SSH1: variants seen among roughly 807,000 people sequenced by gnomAD.
SSH1 encodes protein phosphatase Slingshot homolog 1.
A neutral mutation model predicts 79.7 loss-of-function variants in SSH1; 43 were observed. That is an observed-to-expected ratio of 0.54 (90% CI 0.42 to 0.70). SSH1 has a LOEUF of 0.70. Among genes scored for constraint, SSH1 ranks in the 30% least tolerant of loss-of-function variants. The probability of loss-of-function intolerance (pLI) is 0.00; values close to 1 mark genes in which losing one functional copy is unlikely to be tolerated. For synonymous variants in SSH1, 599 were observed against 538.3 expected (o/e 1.11, Z -1.56); for missense variants, 1,206 against 1,358.8 (o/e 0.89, Z 1.77).
chr12:108,827,232 G>A (rs1219793706), intron 2 of SSH1: 3 of 1,525,110 alleles, frequency 2.0e-6, no homozygotes, highest in Non-Finnish European at 2.6e-6. Flanking sequence ...AGCCATGGCA[G>A]GAAACCAGTA....
intron 1 of SSH1, among the ~76,000 whole-genome samples, chr12:108,854,583 C>T (rs2039107041): frequency 6.6e-6 from 1 of 152,180 alleles, no homozygotes. Flanking sequence ...CTGGCTGTGT[C>T]AGGAAAGCAC....
At chr12:108,806,030 C>T (rs186545470) in intron 9 of SSH1, among the ~76,000 whole-genome samples, 2 of 152,142 alleles carry the variant, frequency 1.3e-5, no homozygotes, top group East Asian at 3.9e-4. Context: ...ATGGACTTCT[C>T]CCCAAAGGCC....
chr12:108,814,705 G>A (rs2037801889), intron 5 of SSH1, among the ~76,000 whole-genome samples: 1 of 152,210 alleles, frequency 6.6e-6, no homozygotes, highest in Non-Finnish European at 1.5e-5. Context: ...GCCCACAGGT[G>A]GGCCGTGGCT....
At chr12:108,823,565 A>G (rs2137191818) in intron 2 of SSH1, among the ~76,000 whole-genome samples, 1 of 152,342 alleles carries the variant, frequency 6.6e-6, no homozygotes, top group East Asian at 1.9e-4. Context: ...AATTTTCGTG[A>G]CAAAATAATG....
Position 108,809,748 on chromosome 12 carries a change from C to T in SSH1, c.481G>A (p.Val161Met), listed in dbSNP as rs764564671. 6 of 1,613,830 alleles carry T rather than the reference C, an allele frequency of 3.7e-6. No individual in the cohort carries two copies. In the Admixed American group the frequency reaches 5.0e-5, roughly 13 times the overall value. The change falls in exon 7 of 15, where the codon GTG (valine) becomes ATG (methionine). Residue 161 changes from valine to methionine, a missense_variant. Transcript: ENST00000326495. The part of the protein sequence containing the change: ...IHLDGDGGFS[V>M]STAGRMHIFK... ...ATGTGCATCCTTCCTGCTGTGCTCA[C>T]GCTGAACCCACTGAGAATAAAACAC...
intron 2 of SSH1, 113 bp downstream of exon 2, chr12:108,852,525 C>T: frequency 1.4e-6 from 2 of 1,379,822 alleles, no homozygotes; most frequent in South Asian, 1.2e-5. Context: ...CCACCGCACC[C>T]AGCCCAAAAT....
rs1028248918 is a variant in SSH1 at position 108,791,874 on chromosome 12, T to C, written c.1893+412A>G. 6.8e-6 allele frequency: 8 copies of C among 1,170,326 alleles called. No homozygotes were observed. The Admixed American group carries it at 2.4e-4, about 34-fold the overall frequency. 72.5% of individuals were successfully genotyped at this position (1,170,326 alleles called of 1,614,324 possible). A position where few individuals can be genotyped will look rare whatever the true frequency, so the allele number is the denominator to read the frequency against. On this transcript the variant is annotated intron_variant, in intron 14 of 14. Transcript: ENST00000326495. Reference sequence around the variant, plus strand: ...ATCATCAGGGGTGTGGGGAAGTGGGTGGTAGGGGTGAGATGAAAAAGAATA... The same window carrying C: ...ATCATCAGGGGTGTGGGGAAGTGGGCGGTAGGGGTGAGATGAAAAAGAATA...
chr12:108,834,004 T>C (rs1160996418), intron 2 of SSH1: 5 of 152,242 alleles, frequency 3.3e-5, no homozygotes, highest in Admixed American at 2.6e-4. Flanking sequence ...ACATCATCTA[T>C]TGATTAGAGT....
chr12:108,802,430 GGA>G (rs1045704643), intron 10 of SSH1, 62 bp from the exon 11 acceptor site: 2 of 1,525,888 alleles, frequency 1.3e-6, no homozygotes, highest in Admixed American at 3.4e-5. Flanking sequence ...GCTGCTCAGG[GGA>G]TGCATGGTTT....
intron 3 of SSH1, among the ~76,000 whole-genome samples, chr12:108,819,599 C>T (rs1487185351): frequency 3.3e-5 from 5 of 152,108 alleles, no homozygotes; most frequent in Non-Finnish European, 7.4e-5. Flanking sequence ...GAGGCCGAGG[C>T]AGGAGACTCA....
At chr12:108,801,159 A>T (rs76061884) in intron 11 of SSH1, among the ~76,000 whole-genome samples, 7,235 of 152,242 alleles carry the variant, frequency 0.048, 605 homozygotes, top group African/African-American at 0.16. Flanking sequence ...TATTGTAAAG[A>T]CCTTATAAAA....
chr12:108,822,160 G>T (rs1272626219), intron 3 of SSH1, among the ~76,000 whole-genome samples: 1 of 151,620 alleles, frequency 6.6e-6, no homozygotes, highest in East Asian at 1.9e-4. Context: ...AACATAGTGA[G>T]ACCTCATTTA....
chr12:108,822,473 G>A (rs1566002299), intron 3 of SSH1, among the ~76,000 whole-genome samples: 2 of 145,938 alleles, frequency 1.4e-5, no homozygotes. Flanking sequence ...AAGAAACAGA[G>A]TCTCTCTCTG....
chr12:108,856,279 G>A (rs549659526), intron 1 of SSH1, among the ~76,000 whole-genome samples: 12 of 152,348 alleles, frequency 7.9e-5, no homozygotes, highest in Admixed American at 1.3e-4. Flanking sequence ...GCTACAGAGG[G>A]CTGACCTGCT....
chr12:108,814,253 G>A (rs1186837266), intron 5 of SSH1, among the ~76,000 whole-genome samples: 2 of 151,890 alleles, frequency 1.3e-5, no homozygotes, highest in African/African-American at 2.4e-5. Flanking sequence ...TTGAGAGTGC[G>A]CAAGCCTGCT....
chr12:108,811,873 C>G (rs557389439), intron 5 of SSH1, among the ~76,000 whole-genome samples: 1 of 152,184 alleles, frequency 6.6e-6, no homozygotes, highest in Non-Finnish European at 1.5e-5. Context: ...AAAGAAAGGG[C>G]TTATCGGAGA....
At chr12:108,794,007 TTCCTCC>T (rs1042646624) in intron 13 of SSH1, among the ~76,000 whole-genome samples, 4 of 152,198 alleles carry the variant, frequency 2.6e-5, no homozygotes, top group Non-Finnish European at 5.9e-5. Flanking sequence ...ATGCTCGCTC[TTCCTCC>T]TCCTCCTCTG....
chr12:108,802,250 C>T (rs1194881051), intron 11 of SSH1, 72 bp downstream of exon 11: 2 of 1,417,704 alleles, frequency 1.4e-6, no homozygotes, highest in Non-Finnish European at 2.0e-6. Flanking sequence ...CCAAGGTCTC[C>T]CCCTCCATGG....
At chr12:108,856,923 T>C (rs1008942558) in intron 1 of SSH1, among the ~76,000 whole-genome samples, 1 of 151,894 alleles carries the variant, frequency 6.6e-6, no homozygotes, top group African/African-American at 2.4e-5. Flanking sequence ...CAAATGGGAG[T>C]CCCGACAGAC....
Sources: gnomAD v4.1 joint callset for allele counts (sites outside exome capture counted in the v4.1 genomes callset) on GRCh38, gnomAD v4.1.1 for gene constraint, MANE v1.5 for transcripts, NCBI Gene and HGNC (gene_info 2026-07-23, HGNC 2026-07-21) for gene names.